CADPS2: variants seen among roughly 807,000 people sequenced by gnomAD.
CADPS2 encodes the protein calcium-dependent secretion activator 2.
In CADPS2, 93 loss-of-function variants were observed where a neutral mutation model predicts 172.5. The observed-to-expected ratio is 0.54, with a 90% CI of 0.46 to 0.64. The LOEUF is 0.64. Ranked by LOEUF, CADPS2 falls within the 30% of genes least tolerant of loss-of-function variation. The pLI is 0.00. For missense variants in CADPS2, 1,420 were observed against 1,565.9 expected (o/e 0.91, Z 1.57); for synonymous variants, 546 against 555.2 (o/e 0.98, Z 0.23).
chr7:122,846,854 G>A (rs1316544460), intron 1 of CADPS2, among the ~76,000 whole-genome samples: 1 of 152,188 alleles, frequency 6.6e-6, no homozygotes, highest in Non-Finnish European at 1.5e-5. Flanking sequence ...TGACCCTGCA[G>A]CAAATCTCTA....
intron 1 of CADPS2, among the ~76,000 whole-genome samples, chr7:122,791,429 A>C (rs941999647): frequency 3.3e-5 from 5 of 152,076 alleles, no homozygotes; most frequent in African/African-American, 1.2e-4. Context: ...ATATAAACTA[A>C]ATCTTGACTT....
intron 2 of CADPS2, among the ~76,000 whole-genome samples, chr7:122,721,973 C>T (rs540906051): frequency 6.6e-6 from 1 of 152,158 alleles, no homozygotes; most frequent in South Asian, 2.1e-4. Context: ...CAGAAAAGGC[C>T]GTTAACAAAA....
chr7:122,662,607 C>T (rs772031356), intron 3 of CADPS2, among the ~76,000 whole-genome samples: 8 of 152,134 alleles, frequency 5.3e-5, no homozygotes, highest in Non-Finnish European at 1.2e-4. Flanking sequence ...ATCTCCTGAC[C>T]TCACTATCTG....
At chr7:122,649,181 C>A (rs1407299612) in intron 3 of CADPS2, among the ~76,000 whole-genome samples, 1 of 152,020 alleles carries the variant, frequency 6.6e-6, no homozygotes, top group South Asian at 2.1e-4. Context: ...GCAACACACA[C>A]CATACCTCCC....
intron 7 of CADPS2, among the ~76,000 whole-genome samples, chr7:122,563,980 A>G (rs903515672): frequency 6.6e-6 from 1 of 152,186 alleles, no homozygotes; most frequent in Non-Finnish European, 1.5e-5. Context: ...TCATTGGAGC[A>G]TTTTGGATAT....
chr7:122,638,197 G>A (rs900916049), intron 3 of CADPS2, among the ~76,000 whole-genome samples: 1 of 152,132 alleles, frequency 6.6e-6, no homozygotes, highest in Non-Finnish European at 1.5e-5. Context: ...GGCAGAGACT[G>A]TGGCTGGTAG....
intron 18 of CADPS2, among the ~76,000 whole-genome samples, chr7:122,415,586 C>G (rs1198734895): frequency 8.0e-6 from 1 of 125,700 alleles, no homozygotes; most frequent in Non-Finnish European, 1.6e-5. Flanking sequence ...ACCAACGAGA[C>G]AGCAAATACA....
At chr7:122,679,430 CT>C (rs1208623408) in intron 2 of CADPS2, among the ~76,000 whole-genome samples, 3 of 152,104 alleles carry the variant, frequency 2.0e-5, no homozygotes, top group Non-Finnish European at 4.4e-5. Flanking sequence ...CTCTTGAATC[CT>C]GTTAAGATGT....
At chr7:122,674,747 T>C (rs899574752) in intron 2 of CADPS2, among the ~76,000 whole-genome samples, 2 of 152,202 alleles carry the variant, frequency 1.3e-5, no homozygotes, top group African/African-American at 4.8e-5. Context: ...CAAATCATTG[T>C]GGCTATGAGA....
chr7:122,793,233 C>CA (rs1255270757), intron 1 of CADPS2, among the ~76,000 whole-genome samples: 4 of 152,002 alleles, frequency 2.6e-5, no homozygotes, highest in African/African-American at 9.7e-5. Context: ...ATAATATCTT[C>CA]AAAAATGTTT....
At chr7:122,735,931 A>G (rs142952062) in intron 2 of CADPS2, among the ~76,000 whole-genome samples, 25 of 152,280 alleles carry the variant, frequency 1.6e-4, no homozygotes, top group African/African-American at 6.0e-4. Flanking sequence ...GGTGAAATCT[A>G]AGGTCCTATA....
At chr7:122,349,085 G>A (rs867517997) in intron 27 of CADPS2, among the ~76,000 whole-genome samples, 1 of 151,458 alleles carries the variant, frequency 6.6e-6, no homozygotes, top group Non-Finnish European at 1.5e-5. Context: ...TTTTTGTGGG[G>A]TTTTTTTTGG....
chr7:122,585,462 A>G (rs1420888969), intron 6 of CADPS2: 2 of 94,332 alleles, frequency 2.1e-5, no homozygotes, highest in African/African-American at 5.1e-5. Context: ...TCAACAAAGG[A>G]AAAAAAAAAA....
intron 1 of CADPS2, among the ~76,000 whole-genome samples, chr7:122,857,796 C>T (rs923427455): frequency 8.5e-5 from 13 of 152,198 alleles, no homozygotes; most frequent in Admixed American, 8.5e-4. Context: ...AGAATGAAGC[C>T]GCTGACATTC....
At chr7:122,826,561 T>G (rs562912011) in intron 1 of CADPS2, among the ~76,000 whole-genome samples, 1 of 151,458 alleles carries the variant, frequency 6.6e-6, no homozygotes, top group Non-Finnish European at 1.5e-5. Context: ...TTAAAATAAA[T>G]GAATATAAAA....
At chr7:122,834,014 C>G (rs987426100) in intron 1 of CADPS2, among the ~76,000 whole-genome samples, 2 of 151,904 alleles carry the variant, frequency 1.3e-5, no homozygotes, top group Non-Finnish European at 2.9e-5. Flanking sequence ...AAGCCTGCAG[C>G]CTGGGTGGAA....
intron 2 of CADPS2, among the ~76,000 whole-genome samples, chr7:122,668,263 T>C (rs1403180611): frequency 6.6e-6 from 1 of 151,892 alleles, no homozygotes; most frequent in East Asian, 1.9e-4. Flanking sequence ...TACTGGGGTG[T>C]CTAGATTCCA....
chr7:122,820,437 C>T (rs556761803), intron 1 of CADPS2, among the ~76,000 whole-genome samples: 1 of 152,006 alleles, frequency 6.6e-6, no homozygotes, highest in Admixed American at 6.6e-5. Flanking sequence ...TTCTACAAAA[C>T]AACAACTCCT....
In CADPS2 at chr7:122,381,567, T is replaced by A. The variant is rs530949262; in HGVS notation, c.3313-2125A>T. ...ATGTTAAACTTTTGGGTTGAATTGA[T>A]TCTGGCAAATCTTAAAATCAAGGGA... is the stretch of plus-strand genomic sequence containing the variant. On this transcript the variant is annotated intron_variant, in intron 24 of 29. Coordinates refer to ENST00000449022, the MANE Select transcript of CADPS2 (RefSeq NM_017954.11). 4.9e-4 allele frequency among the ~76,000 whole-genome samples: 75 copies of A among 152,256 alleles called. No homozygotes were observed. The South Asian group carries it at 6.0e-3, about 12-fold the overall frequency.
Sources: allele counts gnomAD v4.1 joint callset (sites outside exome capture counted in the v4.1 genomes callset), GRCh38; gene constraint gnomAD v4.1.1; transcripts MANE v1.5; gene names NCBI Gene and HGNC (gene_info 2026-07-23, HGNC 2026-07-21).